Variants in SNF8 observed in about 807,000 individuals in gnomAD.
SNF8 encodes the protein SNF8 subunit of ESCRT-II.
Under a neutral mutation model 36.8 loss-of-function variants are expected in SNF8, and 19 were observed. The ratio of observed to expected loss-of-function variants is 0.52; its 90% CI spans 0.36 to 0.76. SNF8 has a LOEUF of 0.76. Among genes scored for constraint, SNF8 ranks in the 30% least tolerant of loss-of-function variants. The pLI is 0.00. For synonymous variants in SNF8, 127 were observed against 127.4 expected (o/e 1.00, Z 0.02); for missense variants, 268 against 322.9 (o/e 0.83, Z 1.30).
intron 1 of SNF8, 77 bp from the exon 2 acceptor site, chr17:48,944,052 C>G: frequency 1.4e-6 from 2 of 1,456,638 alleles, no homozygotes; most frequent in South Asian, 2.3e-5. Context: ...GCCTGTAATC[C>G]CAGAACTTTG....
At chr17:48,937,665 C>T (rs953540976) in intron 3 of SNF8, among the ~76,000 whole-genome samples, 4 of 150,694 alleles carry the variant, frequency 2.7e-5, no homozygotes, top group Admixed American at 1.3e-4. Flanking sequence ...CAGTGGGTCA[C>T]GCCTGTAATT....
chr17:48,940,422 T>C (rs1375794075), intron 3 of SNF8, among the ~76,000 whole-genome samples: 1 of 152,090 alleles, frequency 6.6e-6, no homozygotes, highest in Non-Finnish European at 1.5e-5. Context: ...TCACAGACAC[T>C]GGCTACTCAG....
At position 48,931,649 on chromosome 17, in the gene SNF8, T is replaced by C. The variant is rs539029884; in HGVS notation, c.633A>G (p.Gln211=). ...CTGTTCCAAAGTTGCATACCAGCAC[T>C]TGCCGCGCTCGCTCGGTCTCCCATT... ...SLKWETERAR[Q]VLEHLLKEGL... Residue 211 remains glutamine (Q), a synonymous_variant, in exon 7 of 8, where the codon CAA becomes CAG. Coordinates refer to ENST00000502492, the MANE Select transcript of SNF8 (RefSeq NM_007241.4). 2 of 1,613,312 alleles carry C rather than the reference T, an allele frequency of 1.2e-6. No homozygotes were observed. The highest frequency in any genetic ancestry group is 2.2e-5 in the South Asian group (2 of 90,856).
intron 7 of SNF8, among the ~76,000 whole-genome samples, chr17:48,931,352 TCTC>T (rs1223642251): frequency 2.0e-5 from 3 of 152,216 alleles, no homozygotes; most frequent in East Asian, 1.9e-4. Flanking sequence ...ACTACATTAA[TCTC>T]CTGACCAGCA....
intron 5 of SNF8, among the ~76,000 whole-genome samples, chr17:48,934,911 T>C (rs541345644): frequency 5.3e-5 from 8 of 152,128 alleles, no homozygotes; most frequent in Non-Finnish European, 1.0e-4. Context: ...GGCTGACTCT[T>C]TGGAAGTTAC....
At chr17:48,935,563 T>C (rs2411376) in intron 5 of SNF8, 148,567 of 151,190 alleles carry the variant, frequency 0.98, 73,064 homozygotes, top group East Asian at 1. Flanking sequence ...CACCTGTAAT[T>C]CCAGTTACTG....
intron 1 of SNF8, 94 bp downstream of exon 1, chr17:48,944,587 T>TTG (rs1220536964): frequency 1.5e-6 from 2 of 1,351,096 alleles, no homozygotes; most frequent in Non-Finnish European, 1.1e-6. Flanking sequence ...TCAGATTCTG[T>TTG]TGGGAGGTGA....
chr17:48,930,154 T>A lies in SNF8; in HGVS notation c.*321A>T, dbSNP rs939280674. ...GAATTAGCATAGGCTGTAATCTATG[T>A]CTCACAGCTACAAAGACTAGACAGG... On this transcript the variant is annotated 3_prime_UTR_variant, in exon 8 of 8. Transcript: ENST00000502492. The A allele has an allele frequency of 5.0e-6, 1 of 198,336 alleles. No individual in the cohort carries two copies. The highest frequency in any genetic ancestry group is 2.3e-5 in the African/African-American group (1 of 43,244). The allele number at this position is 198,336 out of a possible 1,614,324, so 12.3% of individuals were successfully genotyped here. A position where few individuals can be genotyped will look rare whatever the true frequency, so the allele number is the denominator to read the frequency against.
rs2040892286 is a variant in SNF8 at position 48,933,593 on chromosome 17, T to C, written c.423-247A>G. 1.4e-5 allele frequency: 6 copies of C among 438,060 alleles called. No homozygotes were observed. The East Asian group carries it at 2.5e-4, about 18-fold the overall frequency. The allele number at this position is 438,060 out of a possible 1,614,324, so 27.1% of individuals were successfully genotyped here. A position where few individuals can be genotyped will look rare whatever the true frequency, so the allele number is the denominator to read the frequency against. The stretch of plus-strand genomic sequence containing the variant: ...CTTATCTTTACTAAAAATAAAAAAT[T>C]AGCAGGGCATGGTGGCAATCGCCTA... On this transcript the variant is annotated intron_variant, in intron 5 of 7. Coordinates refer to ENST00000502492, the MANE Select transcript of SNF8 (RefSeq NM_007241.4).
intron 2 of SNF8, among the ~76,000 whole-genome samples, chr17:48,942,310 C>A (rs4793997): frequency 0.41 from 61,838 of 149,082 alleles, 15,203 homozygotes; most frequent in East Asian, 0.71. Flanking sequence ...GCACTCCAGC[C>A]TGGGCAACAA....
chr17:48,940,037 T>A (rs147335995), intron 3 of SNF8, among the ~76,000 whole-genome samples: 12 of 135,844 alleles, frequency 8.8e-5, no homozygotes, highest in Non-Finnish European at 1.7e-4. Context: ...ATGGCACCAC[T>A]GCACTCCAGC....
chr17:48,939,364 C>T (rs2143812156), intron 3 of SNF8, among the ~76,000 whole-genome samples: 1 of 152,038 alleles, frequency 6.6e-6, no homozygotes, highest in African/African-American at 2.4e-5. Flanking sequence ...AACTTGAGCC[C>T]TGGAGTTGAA....
At position 48,944,821 on chromosome 17, in the gene SNF8, G is replaced by A. The variant is rs1598096340; in HGVS notation, c.-87C>T. 1 of 1,408,138 alleles carries A rather than the reference G, an allele frequency of 7.1e-7. No homozygotes were observed. Among genetic ancestry groups the A allele is most frequent in the East Asian group, 2.9e-5 (1 of 35,048 alleles). 87.2% of individuals were successfully genotyped at this position (1,408,138 alleles called of 1,614,324 possible). A position where few individuals can be genotyped will look rare whatever the true frequency, so the allele number is the denominator to read the frequency against. On this transcript the variant is annotated 5_prime_UTR_variant, in exon 1 of 8. Coordinates refer to ENST00000502492, the MANE Select transcript of SNF8 (RefSeq NM_007241.4). ...CCGCCGCCGGCTCCCCAAGGCGGAAGCCCGAGCCGCGCGTCATCTGCACGC... is the reference window on the plus strand; with the variant it reads ...CCGCCGCCGGCTCCCCAAGGCGGAAACCCGAGCCGCGCGTCATCTGCACGC...
chr17:48,936,031 G>GTTTT, intron 5 of SNF8, 139 bp downstream of exon 5: 2 of 492,502 alleles, frequency 4.1e-6, no homozygotes, highest in Non-Finnish European at 3.5e-6. Flanking sequence ...TTTGTTTTTT[G>GTTTT]TTTTTTTTTT....
chr17:48,941,829 G>A (rs922954103), intron 2 of SNF8, among the ~76,000 whole-genome samples: 12 of 151,822 alleles, frequency 7.9e-5, no homozygotes, highest in Non-Finnish European at 1.6e-4. Context: ...TAGTTGGGAC[G>A]ACAGGCATGC....
chr17:48,938,568 T>A (rs1027813351), intron 3 of SNF8, among the ~76,000 whole-genome samples: 11 of 150,158 alleles, frequency 7.3e-5, no homozygotes, highest in African/African-American at 2.7e-4. Context: ...ATCCCATATA[T>A]GTTTACAAAG....
rs767974351 is a variant in SNF8, at chr17:48,944,743, T to G, written c.-9A>C. The stretch of plus-strand genomic sequence containing the variant: ...ACCCCGCGGCGGTGCATCCCCACCC[T>G]GGGCCCGCGGGCCGCCCGGCTGCCG... On this transcript the variant is annotated 5_prime_UTR_variant, in exon 1 of 8. Coordinates refer to ENST00000502492, the MANE Select transcript of SNF8 (RefSeq NM_007241.4). 1.9e-6 allele frequency: 3 copies of G among 1,597,946 alleles called. No individual in the cohort carries two copies. Among genetic ancestry groups the G allele is most frequent in the Non-Finnish European group, 2.6e-6 (3 of 1,174,380 alleles).
chr17:48,937,941 T>TAAAA (rs1451395176), intron 3 of SNF8, among the ~76,000 whole-genome samples: 1 of 54,616 alleles, frequency 1.8e-5, no homozygotes. Flanking sequence ...AATAAATAAA[T>TAAAA]AAAAATAAAT....
chr17:48,939,316 T>C (rs2040985113), intron 3 of SNF8, among the ~76,000 whole-genome samples: 3 of 150,844 alleles, frequency 2.0e-5, no homozygotes. Flanking sequence ...CTCATGCCTC[T>C]AGTCCCAGCT....
Sources: gnomAD v4.1 joint callset for allele counts (sites outside exome capture counted in the v4.1 genomes callset) on GRCh38, gnomAD v4.1.1 for gene constraint, MANE v1.5 for transcripts, NCBI Gene and HGNC (gene_info 2026-07-23, HGNC 2026-07-21) for gene names.